The following PCSK6 variants were observed in gnomAD, a reference collection of about 807,000 sequenced individuals.
PCSK6 encodes the protein proprotein convertase subtilisin/kexin type 6, also known as paired basic amino acid cleaving enzyme 4.
PCSK6 carries 85 observed loss-of-function variants against 123.3 expected under a neutral mutation model. That is an observed-to-expected ratio of 0.69 (90% CI 0.58 to 0.83). The LOEUF is 0.83. Ranked by LOEUF, PCSK6 falls within the 40% of genes least tolerant of loss-of-function variation. The pLI, the probability that PCSK6 is intolerant of heterozygous loss-of-function variation, is 0.00. For missense variants in PCSK6, 1,191 were observed against 1,282.3 expected (o/e 0.93, Z 1.09); for synonymous variants, 508 against 516.0 (o/e 0.98, Z 0.21).
chr15:101,322,467 A>G, intron 18 of PCSK6, 53 bp downstream of exon 18: 1 of 1,268,290 alleles, frequency 7.9e-7, no homozygotes, highest in Non-Finnish European at 1.1e-6. Flanking sequence ...TCCATAACAC[A>G]CTCCAAGCAG....
intron 19 of PCSK6, among the ~76,000 whole-genome samples, chr15:101,314,412 G>A (rs1380905562): frequency 1.3e-5 from 2 of 152,238 alleles, no homozygotes; most frequent in African/African-American, 4.8e-5. Flanking sequence ...GTTACAGGCA[G>A]GGAGGAGATT....
At chr15:101,457,163 T>C (rs926627370) in intron 1 of PCSK6, among the ~76,000 whole-genome samples, 2 of 151,686 alleles carry the variant, frequency 1.3e-5, no homozygotes, top group African/African-American at 2.4e-5. Flanking sequence ...CAGAGTGAGA[T>C]TCCATCTCAA....
intron 1 of PCSK6, among the ~76,000 whole-genome samples, chr15:101,447,839 T>A (rs771836461): frequency 1.3e-5 from 2 of 152,208 alleles, no homozygotes; most frequent in Non-Finnish European, 2.9e-5. Flanking sequence ...CTCCAGCCGG[T>A]GCCTGAGCAG....
At chr15:101,308,216 G>A (rs2039770485) in intron 20 of PCSK6, 1 of 152,336 alleles carries the variant, frequency 6.6e-6, no homozygotes, top group Admixed American at 6.5e-5. Context: ...AGAGCCCGGT[G>A]ACTCGGTCTC....
chr15:101,469,689 C>T (rs931665817), intron 1 of PCSK6, among the ~76,000 whole-genome samples: 28 of 152,272 alleles, frequency 1.8e-4, no homozygotes, highest in East Asian at 1.5e-3. Flanking sequence ...CCGGTGAGGA[C>T]GGTGTGCAGG....
chr15:101,393,688 T>C (rs1383516312), intron 7 of PCSK6, among the ~76,000 whole-genome samples: 1 of 152,218 alleles, frequency 6.6e-6, no homozygotes, highest in African/African-American at 2.4e-5. Flanking sequence ...TCCTCTGTTC[T>C]TCACAGGAAA....
rs76205770 is a variant in PCSK6, at chr15:101,369,351, T to C, written c.1721+984A>G. Among the ~76,000 whole-genome samples, 459 of 152,320 alleles carry C rather than the reference T, an allele frequency of 3.0e-3. 2 individuals are homozygous for C. Among genetic ancestry groups the C allele is most frequent in the African/African-American group, 0.01 (431 of 41,574 alleles). On this transcript the variant is annotated intron_variant, in intron 12 of 21. Transcript: ENST00000611716. ...TTCTGCCTGGTTCCATCTGAGAGCC[T>C]TCGCTAGCCCCTGTTTCTGAATCTC...
In PCSK6 at chr15:101,356,380, G is replaced by A. The variant is rs182119737; in HGVS notation, c.1858+9816C>T. On this transcript the variant is annotated intron_variant, in intron 13 of 21. Transcript: ENST00000611716. The stretch of plus-strand genomic sequence containing the variant: ...GTAGAGTTCAATAAAGGTGTGCTGG[G>A]CTGGGTGCAGTGGCTCACCCTGTAA... Among the ~76,000 whole-genome samples the A allele has an allele frequency of 2.6e-3, 400 of 152,166 alleles. 5 individuals are homozygous for A. Among genetic ancestry groups the A allele is most frequent in the African/African-American group, 8.9e-3 (370 of 41,498 alleles).
Position 101,318,355 on chromosome 15 carries a change from A to G in PCSK6, c.2533T>C (p.Cys845Arg), listed in dbSNP as rs2040040298. Residue 845 changes from cysteine to arginine, a missense_variant, in exon 19 of 22, where the codon TGT (cysteine) becomes CGT (arginine). Transcript: ENST00000611716. ...GTYFDSELIR[C>R]GECHHTCGTC... is the part of the protein sequence containing the mutation. The stretch of plus-strand genomic sequence containing the variant: ...CCGCAGGTGTGATGGCATTCCCCAC[A>G]TCTGATCAGCTCTGAGTCAAAGTAG... 1.9e-6 allele frequency: 3 copies of G among 1,565,564 alleles called. No homozygotes were observed. The African/African-American group carries it at 4.1e-5, about 21-fold the overall frequency.
intron 16 of PCSK6, 47 bp downstream of exon 16, chr15:101,326,330 G>T: frequency 6.9e-7 from 1 of 1,458,512 alleles, no homozygotes; most frequent in Non-Finnish European, 9.4e-7. Flanking sequence ...GGATACAACT[G>T]GAAAGTCACT....
chr15:101,436,030 AG>A (rs2056589693), intron 2 of PCSK6, among the ~76,000 whole-genome samples: 1 of 152,116 alleles, frequency 6.6e-6, no homozygotes, highest in South Asian at 2.1e-4. Flanking sequence ...GCGACAGGGG[AG>A]GGTGTTTTGA....
chr15:101,326,935 G>A (rs1244688999), intron 15 of PCSK6, among the ~76,000 whole-genome samples: 2 of 152,178 alleles, frequency 1.3e-5, no homozygotes, highest in Non-Finnish European at 2.9e-5. Context: ...GGAGCTGCTG[G>A]CAAGCTGATG....
chr15:101,468,728 G>A (rs2057527894), intron 1 of PCSK6, among the ~76,000 whole-genome samples: 1 of 152,186 alleles, frequency 6.6e-6, no homozygotes, highest in Admixed American at 6.5e-5. Flanking sequence ...AGTGGTCACA[G>A]TATGGACTGC....
chr15:101,442,609 A>G (rs2056785290), intron 2 of PCSK6, among the ~76,000 whole-genome samples: 3 of 152,200 alleles, frequency 2.0e-5, no homozygotes, highest in African/African-American at 7.2e-5. Flanking sequence ...CCATTTTTCC[A>G]TAAAAACTTT....
At chr15:101,349,992 T>C (rs1340418487) in intron 13 of PCSK6, among the ~76,000 whole-genome samples, 1 of 151,940 alleles carries the variant, frequency 6.6e-6, no homozygotes, top group Non-Finnish European at 1.5e-5. Context: ...CACTGCAACC[T>C]CCACCTCCCT....
chr15:101,378,556 G>A (rs766618643), intron 11 of PCSK6, among the ~76,000 whole-genome samples: 27 of 152,342 alleles, frequency 1.8e-4, no homozygotes, highest in Non-Finnish European at 3.8e-4. Context: ...CTCAGTTCTG[G>A]GGCTCAGACT....
intron 9 of PCSK6, among the ~76,000 whole-genome samples, chr15:101,385,081 A>G (rs564599255): frequency 1.3e-3 from 196 of 152,132 alleles, no homozygotes; most frequent in African/African-American, 4.5e-3. Flanking sequence ...CGGTGGTGTG[A>G]TCTTGGCTCA....
chr15:101,385,451 T>C (rs2042032912), intron 9 of PCSK6, among the ~76,000 whole-genome samples: 1 of 152,216 alleles, frequency 6.6e-6, no homozygotes. Context: ...GTCCTGTCTA[T>C]TCACAGTGTC....
At chr15:101,479,110 G>C (rs1278162105) in intron 1 of PCSK6, among the ~76,000 whole-genome samples, 1 of 152,182 alleles carries the variant, frequency 6.6e-6, no homozygotes, top group African/African-American at 2.4e-5. Flanking sequence ...AGGGTCTAGC[G>C]GGGAGAGAGA....
Sources: gnomAD v4.1 joint callset for allele counts (sites outside exome capture counted in the v4.1 genomes callset) on GRCh38, gnomAD v4.1.1 for gene constraint, MANE v1.5 for transcripts, NCBI Gene and HGNC (gene_info 2026-07-23, HGNC 2026-07-21) for gene names.